The following RBFOX2 variants were observed in gnomAD, a reference collection of about 807,000 sequenced individuals.
RBFOX2 encodes RNA binding fox-1 homolog 2.
A neutral mutation model predicts 49.1 loss-of-function variants in RBFOX2; 10 were observed. The ratio of observed to expected loss-of-function variants is 0.20; its 90% CI spans 0.13 to 0.35. The LOEUF (loss-of-function observed/expected upper bound fraction) is 0.35. Ranked by LOEUF, RBFOX2 falls within the 10% of genes least tolerant of loss-of-function variation. The probability of loss-of-function intolerance (pLI) is 1.00; values close to 1 mark genes in which losing one functional copy is unlikely to be tolerated. For synonymous variants in RBFOX2, 183 were observed against 187.4 expected (o/e 0.98, Z 0.19); for missense variants, 323 against 486.9 (o/e 0.66, Z 3.17).
At chr22:35,877,580 C>G (rs2045305156) in intron 1 of RBFOX2, among the ~76,000 whole-genome samples, 2 of 152,126 alleles carry the variant, frequency 1.3e-5, no homozygotes, top group Non-Finnish European at 2.9e-5. Context: ...AAGAACTGTT[C>G]TGAGAGCGTT....
At chr22:35,743,536 T>C (rs913803723) in exon 12 of RBFOX2, 3 of 152,260 alleles carry the variant, frequency 2.0e-5, no homozygotes, top group Admixed American at 6.5e-5. Flanking sequence ...TTCCAAAAAC[T>C]ATGCCAGCTG....
chr22:35,898,910 T>A (rs1046628484), intron 1 of RBFOX2, among the ~76,000 whole-genome samples: 2 of 152,114 alleles, frequency 1.3e-5, no homozygotes, highest in African/African-American at 4.8e-5. Context: ...GCAGATCACC[T>A]GAGGTCAAGA....
At position 35,923,343 on chromosome 22, in the gene RBFOX2, T is replaced by TTTTTCTTTTTCC. The variant is rs1556408585; in HGVS notation, c.-34+15492_-34+15503dup. On this transcript the variant is annotated intron_variant, in intron 1 of 13. Coordinates refer to the RBFOX2 transcript ENST00000359369. ...CAGGCCTTTCATATCTTTTTTTTCT[T>TTTTTCTTTTTCC]TTTTCTTTTTCCTTTTATTTCCCCA... 3.9e-3 allele frequency among the ~76,000 whole-genome samples: 598 copies of TTTTTCTTTTTCC among 152,158 alleles called. 3 individuals are homozygous for TTTTTCTTTTTCC. Among genetic ancestry groups the TTTTTCTTTTTCC allele is most frequent in the African/African-American group, 0.012 (516 of 41,490 alleles).
chr22:35,927,096 A>G (rs1298266706), intron 1 of RBFOX2, among the ~76,000 whole-genome samples: 3 of 152,210 alleles, frequency 2.0e-5, no homozygotes, highest in Admixed American at 1.3e-4. Flanking sequence ...TCTTGGATCC[A>G]AACTTTATGG....
chr22:35,887,888 G>A (rs990544894), intron 1 of RBFOX2, among the ~76,000 whole-genome samples: 6 of 152,036 alleles, frequency 3.9e-5, no homozygotes, highest in African/African-American at 1.5e-4. Context: ...ACCATCAAGC[G>A]TTTGCTTACA....
chr22:35,893,728 C>T (rs1054204049), intron 1 of RBFOX2, among the ~76,000 whole-genome samples: 1 of 152,222 alleles, frequency 6.6e-6, no homozygotes, highest in Non-Finnish European at 1.5e-5. Context: ...TACACACATA[C>T]ATATACATCT....
chr22:35,837,871 T>C (rs1234852914), intron 1 of RBFOX2, among the ~76,000 whole-genome samples: 1 of 152,194 alleles, frequency 6.6e-6, no homozygotes, highest in Admixed American at 6.5e-5. Context: ...AACTTATGGC[T>C]TCTTTAAATA....
chr22:35,764,412 A>G (rs1279923503), intron 6 of RBFOX2, among the ~76,000 whole-genome samples: 8 of 151,858 alleles, frequency 5.3e-5, no homozygotes, highest in Non-Finnish European at 8.8e-5. Flanking sequence ...GTGAAACCCC[A>G]TCTCTACTAA....
chr22:35,944,359 G>A (rs112685515), intron 1 of RBFOX2, among the ~76,000 whole-genome samples: 6,789 of 152,028 alleles, frequency 0.045, 492 homozygotes, highest in African/African-American at 0.16. Context: ...ATGCTTTTCT[G>A]GAAATTATCA....
chr22:35,820,100 G>A (rs9622291), intron 1 of RBFOX2, among the ~76,000 whole-genome samples: 6,515 of 152,262 alleles, frequency 0.043, 476 homozygotes, highest in African/African-American at 0.15. Context: ...AGCGAGAAAG[G>A]TAGCAGTGGG....
At chr22:35,909,175 A>T (rs542518215) in intron 1 of RBFOX2, among the ~76,000 whole-genome samples, 1 of 152,274 alleles carries the variant, frequency 6.6e-6, no homozygotes, top group African/African-American at 2.4e-5. Context: ...CATTGTTATC[A>T]GGTTTGGTGC....
intron 1 of RBFOX2, among the ~76,000 whole-genome samples, chr22:35,927,423 G>A (rs1299775992): frequency 1.3e-5 from 2 of 152,006 alleles, no homozygotes; most frequent in African/African-American, 4.8e-5. Flanking sequence ...TGACCAAAAT[G>A]GAGAAATCCT....
intron 1 of RBFOX2, among the ~76,000 whole-genome samples, chr22:35,875,462 A>G (rs2044904208): frequency 6.6e-6 from 1 of 152,170 alleles, no homozygotes; most frequent in South Asian, 2.1e-4. Context: ...AAGCTTCCCT[A>G]AAGGTACCTA....
intron 4 of RBFOX2, among the ~76,000 whole-genome samples, chr22:35,774,003 T>C (rs1271016981): frequency 2.6e-5 from 4 of 152,140 alleles, no homozygotes. Context: ...AAAATAAGAC[T>C]AGAAGGATAC....
intron 2 of RBFOX2, among the ~76,000 whole-genome samples, chr22:35,809,065 A>C (rs968639573): frequency 3.9e-5 from 6 of 151,974 alleles, no homozygotes; most frequent in Admixed American, 1.3e-4. Flanking sequence ...TAAAAAAAAA[A>C]AAAAACCACC....
At chr22:35,809,067 A>G (rs1006697432) in intron 2 of RBFOX2, among the ~76,000 whole-genome samples, 1 of 151,974 alleles carries the variant, frequency 6.6e-6, no homozygotes, top group Non-Finnish European at 1.5e-5. Flanking sequence ...AAAAAAAAAA[A>G]AAACCACCTT....
Position 35,931,821 on chromosome 22 carries a change from A to T in RBFOX2, c.-34+7026T>A, listed in dbSNP as rs552586526. Among the ~76,000 whole-genome samples, 9 of 152,292 alleles carry T rather than the reference A, an allele frequency of 5.9e-5. 1 individual carries two copies. Among genetic ancestry groups the T allele is most frequent in the African/African-American group, 2.2e-4 (9 of 41,574 alleles). On this transcript the variant is annotated intron_variant, in intron 1 of 13. Coordinates refer to the RBFOX2 transcript ENST00000359369. ...TTCTTTAAGGTTGCATTTTTAAGGA[A>T]TGTAAGTATTAGAACAATGTTTTTC... is the stretch of plus-strand genomic sequence containing the variant.
At chr22:35,890,435 A>G (rs2047104781) in intron 1 of RBFOX2, among the ~76,000 whole-genome samples, 1 of 152,174 alleles carries the variant, frequency 6.6e-6, no homozygotes, top group African/African-American at 2.4e-5. Context: ...ATAAAACTGA[A>G]TAATTATATA....
At chr22:35,996,653 A>G (rs2058206023) in intron 1 of RBFOX2, 1 of 152,014 alleles carries the variant, frequency 6.6e-6, no homozygotes, top group African/African-American at 2.4e-5. Flanking sequence ...AGGCAACTGT[A>G]AAGGCAAGAC....
Sources: allele counts gnomAD v4.1 joint callset (sites outside exome capture counted in the v4.1 genomes callset), GRCh38; gene constraint gnomAD v4.1.1; transcripts MANE v1.5; gene names NCBI Gene and HGNC (gene_info 2026-07-23, HGNC 2026-07-21).